MALRD1: variants seen among roughly 807,000 people sequenced by gnomAD.
MALRD1 encodes the protein MAM and LDL-receptor class A domain-containing protein 1.
MALRD1 carries 247 observed loss-of-function variants against 242.1 expected under a neutral mutation model. The observed-to-expected ratio is 1.02, with a 90% CI of 0.92 to 1.13. The LOEUF (loss-of-function observed/expected upper bound fraction) is 1.13. Ranked by LOEUF, MALRD1 falls within the 50% of genes most tolerant of loss-of-function variation. The pLI, the probability that MALRD1 is intolerant of heterozygous loss-of-function variation, is 0.00. For synonymous variants in MALRD1, 995 were observed against 866.6 expected, an observed-to-expected ratio of 1.15 and a Z score of -2.60; for missense variants, 2,989 against 2,533.1, an observed-to-expected ratio of 1.18 and a Z score of -3.86.
chr10:19,183,262 A>G (rs763448741), intron 14 of MALRD1, among the ~76,000 whole-genome samples: 1 of 152,134 alleles, frequency 6.6e-6, no homozygotes, highest in Non-Finnish European at 1.5e-5. Flanking sequence ...AGGTAAAGAC[A>G]CAGTGAAGAA....
intron 28 of MALRD1, among the ~76,000 whole-genome samples, chr10:19,413,874 C>T (rs996582563): frequency 2.6e-5 from 4 of 151,330 alleles, no homozygotes; most frequent in East Asian, 3.9e-4. Flanking sequence ...TCGCTTGAAC[C>T]GAGGAAGCAG....
At position 19,416,362 on chromosome 10, in the gene MALRD1, G is replaced by A. The variant is rs187624676; in HGVS notation, c.4845+26753G>A. Among the ~76,000 whole-genome samples the A allele has an allele frequency of 2.8e-3, 426 of 152,270 alleles. 2 individuals carry two copies. Among genetic ancestry groups the A allele is most frequent in the African/African-American group, 9.8e-3 (409 of 41,562 alleles). Reference sequence around the variant, plus strand: ...CTATTCAATGTGGGAAGGGACTACCGAAGAGCACCACAGGCCAGAATAAAT... The same window carrying A: ...CTATTCAATGTGGGAAGGGACTACCAAAGAGCACCACAGGCCAGAATAAAT... On this transcript the variant is annotated intron_variant, in intron 28 of 39. Transcript: ENST00000454679.
chr10:19,530,562 A>G (rs1440331084), intron 31 of MALRD1, among the ~76,000 whole-genome samples: 1 of 148,236 alleles, frequency 6.7e-6, no homozygotes, highest in East Asian at 1.9e-4. Flanking sequence ...ACACACACAC[A>G]TATATATATT....
chr10:19,160,855 TTTTC>T (rs1277689189), intron 12 of MALRD1, among the ~76,000 whole-genome samples: 4 of 132,722 alleles, frequency 3.0e-5, no homozygotes, highest in African/African-American at 8.5e-5. Flanking sequence ...TTCTCTCTTT[TTTTC>T]TTTATTAGTC....
At chr10:19,533,957 T>C (rs1834539146) in intron 32 of MALRD1, among the ~76,000 whole-genome samples, 1 of 152,140 alleles carries the variant, frequency 6.6e-6, no homozygotes, top group Non-Finnish European at 1.5e-5. Flanking sequence ...TCTTTTTCTT[T>C]TGGATTACAA....
At chr10:19,300,015 GC>G (rs1372898197) in intron 21 of MALRD1, among the ~76,000 whole-genome samples, 7 of 151,936 alleles carry the variant, frequency 4.6e-5, no homozygotes, top group Non-Finnish European at 4.4e-5. Flanking sequence ...AACAATTTTA[GC>G]AAAATTTCAG....
intron 38 of MALRD1, among the ~76,000 whole-genome samples, chr10:19,714,724 G>A (rs975739370): frequency 7.9e-5 from 12 of 152,054 alleles, no homozygotes; most frequent in Non-Finnish European, 1.2e-4. Context: ...GATAAAAGAC[G>A]GGAATCAGCA....
chr10:19,607,881 C>T lies in MALRD1; in HGVS notation c.6049C>T (p.Leu2017Phe). Residue 2017 changes from leucine to phenylalanine, a missense_variant, in exon 35 of 40, where the codon CTT becomes TTT. By Grantham distance (22) the Leu-to-Phe change is conservative. Coordinates refer to ENST00000454679, the MANE Select transcript of MALRD1 (RefSeq NM_001142308.3). ...TTTTGCCGACTGCATGGATTTCCAG[C>T]TTGATGAGTCCAGCTGCTCCGGTAC... Reference protein sequence around the residue: ...DGFADCMDFQLDESSCSECPL... With the variant: ...DGFADCMDFQFDESSCSECPL... 6.5e-7 allele frequency: 1 copy of T among 1,549,702 alleles called. No individual in the cohort carries two copies. The highest frequency in any genetic ancestry group is 1.4e-5 in the African/African-American group (1 of 73,064).
At chr10:19,496,985 A>C (rs1261974827) in intron 30 of MALRD1, among the ~76,000 whole-genome samples, 2 of 152,152 alleles carry the variant, frequency 1.3e-5, no homozygotes, top group African/African-American at 4.8e-5. Flanking sequence ...ATGAAATGTA[A>C]GAGAATTTAT....
Position 19,166,689 on chromosome 10 carries a change from T to C in MALRD1, c.1830+879T>C, listed in dbSNP as rs185290239. Among the ~76,000 whole-genome samples the C allele has an allele frequency of 2.0e-3, 301 of 152,308 alleles. 1 individual carries two copies. In the South Asian group the frequency reaches 0.022, roughly 11 times the overall value. Reference sequence around the variant, plus strand: ...GTATCAAAATATCACATTTACCCCATAAATATGTACAACTACTATGTATTA... The same window carrying C: ...GTATCAAAATATCACATTTACCCCACAAATATGTACAACTACTATGTATTA... On this transcript the variant is annotated intron_variant, in intron 13 of 39. Coordinates refer to ENST00000454679, the MANE Select transcript of MALRD1 (RefSeq NM_001142308.3).
intron 26 of MALRD1, among the ~76,000 whole-genome samples, chr10:19,371,620 A>G (rs898535473): frequency 1.3e-5 from 2 of 152,122 alleles, no homozygotes; most frequent in South Asian, 2.1e-4. Flanking sequence ...TATCCCTTCT[A>G]TATATTGCTA....
At chr10:19,505,617 G>A (rs1418712430) in intron 31 of MALRD1, among the ~76,000 whole-genome samples, 1 of 152,164 alleles carries the variant, frequency 6.6e-6, no homozygotes, top group African/African-American at 2.4e-5. Context: ...GGCAGTGCTA[G>A]CAGACTAATA....
chr10:19,339,583 AG>A (rs1336478279), intron 24 of MALRD1, among the ~76,000 whole-genome samples: 2 of 152,320 alleles, frequency 1.3e-5, no homozygotes, highest in African/African-American at 4.8e-5. Context: ...TACAAATTTT[AG>A]GTAATTTTTA....
chr10:19,228,640 C>A (rs1837903000), intron 18 of MALRD1, among the ~76,000 whole-genome samples: 1 of 151,998 alleles, frequency 6.6e-6, no homozygotes, highest in African/African-American at 2.4e-5. Flanking sequence ...CTGCTGAGTG[C>A]CAACTTGAGA....
chr10:19,555,369 T>C (rs1835674944), intron 32 of MALRD1, among the ~76,000 whole-genome samples: 1 of 152,104 alleles, frequency 6.6e-6, no homozygotes, highest in South Asian at 2.1e-4. Flanking sequence ...TTGGGAAAGC[T>C]GGGTAGGACT....
rs117998337 is a variant in MALRD1 at position 19,552,654 on chromosome 10, T to C, written c.5479-14848T>C. 1.2e-3 allele frequency among the ~76,000 whole-genome samples: 190 copies of C among 152,224 alleles called. 5 individuals are homozygous for C. The East Asian group carries it at 0.035, about 28-fold the overall frequency. Reference sequence around the variant, plus strand: ...AATAATCCTGGTTTTTGTAAGTAGATGGATTTGTCTTTTATATAAGTTGAT... The same window carrying C: ...AATAATCCTGGTTTTTGTAAGTAGACGGATTTGTCTTTTATATAAGTTGAT... On this transcript the variant is annotated intron_variant, in intron 32 of 39. Coordinates refer to ENST00000454679, the MANE Select transcript of MALRD1 (RefSeq NM_001142308.3).
chr10:19,204,864 A>G (rs1384947161), intron 16 of MALRD1, 34 bp from the exon 17 acceptor site: 7 of 1,504,174 alleles, frequency 4.7e-6, no homozygotes, highest in Non-Finnish European at 5.3e-6. Flanking sequence ...TATTCTATAA[A>G]TCACTTCCAT....
At chr10:19,384,087 T>C (rs975144110) in intron 26 of MALRD1, among the ~76,000 whole-genome samples, 2 of 151,478 alleles carry the variant, frequency 1.3e-5, no homozygotes, top group East Asian at 1.9e-4. Flanking sequence ...TGAGATGATA[T>C]TGTGGTTTGC....
intron 18 of MALRD1, among the ~76,000 whole-genome samples, chr10:19,211,259 C>T (rs1837046698): frequency 2.0e-5 from 3 of 152,000 alleles, no homozygotes; most frequent in Non-Finnish European, 4.4e-5. Context: ...AGGTTTGAGA[C>T]CCATGTTGGG....
Sources: gnomAD v4.1 joint callset for allele counts (sites outside exome capture counted in the v4.1 genomes callset) on GRCh38, gnomAD v4.1.1 for gene constraint, MANE v1.5 for transcripts, NCBI Gene and HGNC (gene_info 2026-07-23, HGNC 2026-07-21) for gene names.